The following POLB variants were observed in gnomAD, a reference collection of about 807,000 sequenced individuals.
The protein encoded by POLB is DNA polymerase beta.
Under a neutral mutation model 52.7 loss-of-function variants are expected in POLB, and 37 were observed. That is an observed-to-expected ratio of 0.70 (90% confidence interval 0.54 to 0.92). The LOEUF is 0.92. Ranked by LOEUF, POLB falls within the 40% of genes least tolerant of loss-of-function variation. The probability of loss-of-function intolerance (pLI) is 0.00; values close to 1 mark genes in which losing one functional copy is unlikely to be tolerated. For synonymous variants in POLB, 138 were observed against 131.3 expected, an observed-to-expected ratio of 1.05 and a Z score of -0.35; for missense variants, 313 against 400.8, an observed-to-expected ratio of 0.78 and a Z score of 1.87.
intron 1 of POLB, 66 bp from the exon 2 acceptor site, chr8:42,338,946 C>T: frequency 1.4e-6 from 2 of 1,381,962 alleles, no homozygotes; most frequent in Admixed American, 1.7e-5. Context: ...ATATCCCCTT[C>T]CAGAAAACAG....
At chr8:42,338,815 A>G in intron 1 of POLB, 130 bp downstream of exon 1, 2 of 1,040,582 alleles carry the variant, frequency 1.9e-6, no homozygotes, top group Non-Finnish European at 2.9e-6. Flanking sequence ...TTCCGTGGGG[A>G]TCTCCCTCCG....
chr8:42,344,751 G>T (rs1822500749), intron 2 of POLB, among the ~76,000 whole-genome samples: 1 of 152,018 alleles, frequency 6.6e-6, no homozygotes, highest in Admixed American at 6.6e-5. Context: ...GGAGGCGGAG[G>T]TTCCAGTGAG....
intron 6 of POLB, 92 bp downstream of exon 6, chr8:42,352,660 C>A: frequency 1.3e-6 from 1 of 782,514 alleles, no homozygotes; most frequent in East Asian, 2.4e-5. Context: ...AAAACCCATT[C>A]TCAATCAGTA....
chr8:42,361,047 C>T (rs1823645991), intron 9 of POLB: 1 of 625,808 alleles, frequency 1.6e-6, no homozygotes, highest in African/African-American at 1.8e-5. Flanking sequence ...ATTAAATTAA[C>T]TCGTTGTATG....
intron 11 of POLB, 77 bp from the exon 12 acceptor site, chr8:42,369,194 G>A (rs1824221953): frequency 1.9e-5 from 16 of 829,772 alleles, no homozygotes; most frequent in Non-Finnish European, 3.0e-5. Flanking sequence ...AACAAAAATG[G>A]CCTTGTGTTT....
At chr8:42,349,620 C>T (rs2130799104) in intron 4 of POLB, among the ~76,000 whole-genome samples, 1 of 152,310 alleles carries the variant, frequency 6.6e-6, no homozygotes, top group Middle Eastern at 3.4e-3. Context: ...GATCTCCTGA[C>T]CTCGTGATCT....
At chr8:42,348,924 T>C in intron 3 of POLB, 92 bp from the exon 4 acceptor site, 1 of 684,064 alleles carries the variant, frequency 1.5e-6, no homozygotes, top group Non-Finnish European at 2.5e-6. Flanking sequence ...TGGTATTCAT[T>C]TGTTTTTCAT....
chr8:42,357,644 A>G (rs1823401655), intron 9 of POLB: 2 of 377,744 alleles, frequency 5.3e-6, no homozygotes, highest in South Asian at 1.6e-4. Flanking sequence ...AAGTATATTG[A>G]AATGCTAGTA....
At chr8:42,366,068 C>G (rs1006249396) in intron 11 of POLB, among the ~76,000 whole-genome samples, 1 of 151,750 alleles carries the variant, frequency 6.6e-6, no homozygotes, top group Non-Finnish European at 1.5e-5. Context: ...CCAGTGCATT[C>G]CAGCCCTGGC....
intron 2 of POLB, chr8:42,340,128 CT>C (rs1221663244): frequency 6.6e-6 from 1 of 152,260 alleles, no homozygotes; most frequent in Admixed American, 6.5e-5. Flanking sequence ...GCATTCACCC[CT>C]GGCTCATGCT....
At chr8:42,358,931 G>T (rs1823499345) in intron 9 of POLB, among the ~76,000 whole-genome samples, 1 of 152,198 alleles carries the variant, frequency 6.6e-6, no homozygotes, top group Non-Finnish European at 1.5e-5. Flanking sequence ...ATCTCCTTAG[G>T]TGGGAACTGG....
At chr8:42,354,418 C>T (rs926268045) in intron 6 of POLB, 1 of 1,264,942 alleles carries the variant, frequency 7.9e-7, no homozygotes, top group Non-Finnish European at 1.0e-6. Flanking sequence ...TTTAACAAGG[C>T]TCACAGCTGG....
chr8:42,357,732 T>C (rs201869751), intron 9 of POLB: 57 of 158,506 alleles, frequency 3.6e-4, no homozygotes, highest in South Asian at 1.1e-3. Flanking sequence ...TTTTTCCTTT[T>C]TTTTTTTTTT....
chr8:42,366,837 T>C (rs545600769), intron 11 of POLB, among the ~76,000 whole-genome samples: 51 of 152,300 alleles, frequency 3.3e-4, no homozygotes, highest in Admixed American at 1.0e-3. Context: ...CAAAATTAAA[T>C]AGTATATGTG....
chr8:42,353,680 A>T (rs1344678372), intron 6 of POLB, among the ~76,000 whole-genome samples: 1 of 152,076 alleles, frequency 6.6e-6, no homozygotes, highest in Admixed American at 6.6e-5. Context: ...TTTGGGATTT[A>T]GTATTTGTGA....
At chr8:42,340,792 T>C (rs778594179) in intron 2 of POLB, among the ~76,000 whole-genome samples, 5 of 152,228 alleles carry the variant, frequency 3.3e-5, no homozygotes, top group Non-Finnish European at 5.9e-5. Flanking sequence ...TTGTGCTCCC[T>C]CCTTTCCTTA....
rs1256353637 is a variant in POLB, at chr8:42,343,346, ATAT to A, written c.120-1606_120-1604del. On this transcript the variant is annotated intron_variant, in intron 2 of 13. Transcript: ENST00000265421. Reference sequence around the variant, plus strand: ...CAAAAAAAAAAAAAAAAAAAAAAAAATATATATATATATATATATATATACACA... The same window carrying A: ...CAAAAAAAAAAAAAAAAAAAAAAAAAATATATATATATATATATATACACA... Among the ~76,000 whole-genome samples, 90 of 19,968 alleles carry A rather than the reference ATAT, an allele frequency of 4.5e-3. 1 individual carries two copies. The highest frequency in any genetic ancestry group is 0.019 in the East Asian group (10 of 514). The allele number at this position is 19,968 out of a possible 152,430, so 13.1% of individuals were successfully genotyped here. A position where few individuals can be genotyped will look rare whatever the true frequency, so the allele number is the denominator to read the frequency against.
At chr8:42,363,257 C>G (rs1227281674) in intron 11 of POLB, among the ~76,000 whole-genome samples, 1 of 151,412 alleles carries the variant, frequency 6.6e-6, no homozygotes, top group Non-Finnish European at 1.5e-5. Flanking sequence ...TTAATTAGGC[C>G]TGGGCATGGT....
At chr8:42,342,587 G>T in intron 2 of POLB, 1 of 713,922 alleles carries the variant, frequency 1.4e-6, no homozygotes, top group Admixed American at 2.0e-5. Flanking sequence ...GTTTCATTTG[G>T]TATCTCTTAA....
Sources: allele counts gnomAD v4.1 joint callset (sites outside exome capture counted in the v4.1 genomes callset), GRCh38; gene constraint gnomAD v4.1.1; transcripts MANE v1.5; gene names NCBI Gene and HGNC (gene_info 2026-07-23, HGNC 2026-07-21).